Variants in STRAP observed in about 807,000 individuals in gnomAD.
The protein encoded by STRAP is serine-threonine kinase receptor-associated protein.
In STRAP, 16 loss-of-function variants were observed where a neutral mutation model predicts 47.0. The observed-to-expected ratio is 0.34, with a 90% confidence interval of 0.23 to 0.52. The LOEUF (loss-of-function observed/expected upper bound fraction) is 0.52, where lower values mean the gene tolerates loss of function less well. Among genes scored for constraint, STRAP ranks in the 20% least tolerant of loss-of-function variants. STRAP has a pLI of 0.96. For missense variants in STRAP, 293 were observed against 420.0 expected, an observed-to-expected ratio of 0.70 and a Z score of 2.64; for synonymous variants, 130 against 142.7, an observed-to-expected ratio of 0.91 and a Z score of 0.63.
At chr12:15,897,699 A>G (rs1794296791) in intron 6 of STRAP, among the ~76,000 whole-genome samples, 183 bp from the exon 7 acceptor site, 1 of 150,374 alleles carries the variant, frequency 6.7e-6, no homozygotes, top group Non-Finnish European at 1.5e-5. Context: ...CCACTTGGGC[A>G]TAGTATCCAT....
chr12:15,898,022 A>C lies in STRAP; in HGVS notation c.775+4A>C. ...TATAATAGTGGAGAAGAATTAGGTG[A>C]GTTGTCCCCTTACAGTGATGTGGTT... is the stretch of plus-strand genomic sequence containing the variant. On this transcript the variant is annotated splice_donor_region_variant and intron_variant, in intron 7 of 9. Transcript: ENST00000419869. The C allele has an allele frequency of 6.3e-7, 1 of 1,598,782 alleles. No individual in the cohort carries two copies. The highest frequency in any genetic ancestry group is 8.5e-7 in the Non-Finnish European group (1 of 1,174,148).
chr12:15,887,256 G>A lies in STRAP; in HGVS notation c.249-2672G>A, dbSNP rs945100848. Among the ~76,000 whole-genome samples the A allele has an allele frequency of 6.6e-6, 1 of 152,140 alleles. No homozygotes were observed. Among genetic ancestry groups the A allele is most frequent in the Non-Finnish European group, 1.5e-5 (1 of 68,020 alleles). The stretch of plus-strand genomic sequence containing the variant: ...AGCAGCTCCTATTATGAGACTTACG[G>A]TAAGTTCATTCTGAGGATATGGAAA... On this transcript the variant is annotated intron_variant, in intron 2 of 9. Coordinates refer to ENST00000419869, the MANE Select transcript of STRAP (RefSeq NM_007178.4). The surrounding 1 kb of genome is among the most constrained non-coding windows in gnomAD (Gnocchi z 5.5).
intron 1 of STRAP, 48 bp from the exon 2 acceptor site, chr12:15,883,493 T>C (rs577959336): frequency 4.5e-6 from 7 of 1,563,266 alleles, no homozygotes; most frequent in African/African-American, 4.1e-5. Context: ...TCTTAGACTT[T>C]AAGTAATCTG....
chr12:15,899,943 G>A lies in STRAP; in HGVS notation c.815G>A (p.Arg272Lys). Residue 272 changes from arginine (R) to lysine (K), a missense_variant, in exon 8 of 10, where the codon AGA becomes AAA. Arg to Lys is a conservative substitution (Grantham distance 26). Coordinates refer to ENST00000419869, the MANE Select transcript of STRAP (RefSeq NM_007178.4). ...CACTTTGGTCCTATTCACTGTGTGA[G>A]ATTTAGTCCTGATGGAGAACTCTAT... is the stretch of plus-strand genomic sequence containing the variant. ...KGHFGPIHCVRFSPDGELYAS... is the reference protein window; with the variant it reads ...KGHFGPIHCVKFSPDGELYAS... The A allele has an allele frequency of 6.2e-7, 1 of 1,613,542 alleles. No individual in the cohort carries two copies. The highest frequency in any genetic ancestry group is 8.5e-7 in the Non-Finnish European group (1 of 1,179,804).
At position 15,890,349 on chromosome 12, in the gene STRAP, CA is replaced by C. The variant is rs1434422204; in HGVS notation, c.331-247del. 6.6e-6 allele frequency among the ~76,000 whole-genome samples: 1 copy of C among 152,078 alleles called. No individual in the cohort carries two copies. Among genetic ancestry groups the C allele is most frequent in the Non-Finnish European group, 1.5e-5 (1 of 68,010 alleles). On this transcript the variant is annotated intron_variant, in intron 3 of 9. Coordinates refer to ENST00000419869, the MANE Select transcript of STRAP (RefSeq NM_007178.4). This position sits in a 1 kb window ranked among gnomAD's most constrained non-coding sequence, Gnocchi z 4.5. ...CTCTCACAAGGGAGAGGAGTAGGAT[CA>C]GGGGAGAATGGGAGAGTTCATGTAT...
At position 15,894,004 on chromosome 12, in the gene STRAP, A is replaced by C. The variant is rs1351436687; in HGVS notation, c.404-43A>C. The C allele has an allele frequency of 7.1e-7, 1 of 1,416,378 alleles. No homozygotes were observed. Among genetic ancestry groups the C allele is most frequent in the Non-Finnish European group, 9.9e-7 (1 of 1,013,366 alleles). 87.7% of individuals were successfully genotyped at this position (1,416,378 alleles called of 1,614,324 possible). A position where few individuals can be genotyped will look rare whatever the true frequency, so the allele number is the denominator to read the frequency against. On this transcript the variant is annotated intron_variant, in intron 4 of 9. Coordinates refer to ENST00000419869, the MANE Select transcript of STRAP (RefSeq NM_007178.4). The surrounding 1 kb of genome is among the most constrained non-coding windows in gnomAD (Gnocchi z 4.9). ...TGTTCCGATATTGTTCAGTTTAAAA[A>C]ATCATATATTAACAAATGTACTTTA...
At chr12:15,900,505 A>G (rs1948094416) in intron 8 of STRAP, among the ~76,000 whole-genome samples, 1 of 151,802 alleles carries the variant, frequency 6.6e-6, no homozygotes, top group African/African-American at 2.4e-5. Flanking sequence ...AGCCTGGGCA[A>G]GAGTGACTCA....
At chr12:15,898,972 A>G (rs1181596187) in intron 7 of STRAP, among the ~76,000 whole-genome samples, 1 of 152,214 alleles carries the variant, frequency 6.6e-6, no homozygotes, top group East Asian at 1.9e-4. Flanking sequence ...CTTATGGTTC[A>G]GTTTTTATTA....
Position 15,882,556 on chromosome 12 carries a change from G to A in STRAP, c.-152G>A. The A allele has an allele frequency of 1.9e-6, 1 of 528,896 alleles. No homozygotes were observed. The highest frequency in any genetic ancestry group is 1.9e-5 in the African/African-American group (1 of 51,412). 32.8% of individuals were successfully genotyped at this position (528,896 alleles called of 1,614,324 possible). A position where few individuals can be genotyped will look rare whatever the true frequency, so the allele number is the denominator to read the frequency against. ...CCCTCCCTCACCCCTCCCTAACCTC[G>A]GTGCCACCGGATTGCCCTTCTTTTC... On this transcript the variant is annotated 5_prime_UTR_variant, in exon 1 of 10. Coordinates refer to ENST00000419869, the MANE Select transcript of STRAP (RefSeq NM_007178.4).
At chr12:15,885,440 T>G (rs1356168330) in intron 2 of STRAP, among the ~76,000 whole-genome samples, 1 of 150,994 alleles carries the variant, frequency 6.6e-6, no homozygotes, top group Admixed American at 6.6e-5. Context: ...CTGCCCGCCT[T>G]GGCCTCCCAA....
In STRAP at chr12:15,903,282, A is replaced by T; in HGVS notation, c.*304A>T. ...ACAATTAGGGTTCTTGTAGCTGTTTATGTTAATATGGAGAAGAAAACTATA... is the reference window on the plus strand; with the variant it reads ...ACAATTAGGGTTCTTGTAGCTGTTTTTGTTAATATGGAGAAGAAAACTATA... On this transcript the variant is annotated 3_prime_UTR_variant, in exon 10 of 10. Transcript: ENST00000419869. 4.5e-6 allele frequency: 1 copy of T among 221,774 alleles called. No individual in the cohort carries two copies. Among genetic ancestry groups the T allele is most frequent in the Non-Finnish European group, 8.7e-6 (1 of 114,702 alleles). The allele number at this position is 221,774 out of a possible 1,614,324, so 13.7% of individuals were successfully genotyped here.
intron 7 of STRAP, 147 bp from the exon 8 acceptor site, chr12:15,899,757 G>T: frequency 1.4e-6 from 1 of 715,322 alleles, no homozygotes; most frequent in Non-Finnish European, 2.3e-6. Flanking sequence ...TACCACTTTT[G>T]TGATGAGAAA....
In STRAP at chr12:15,883,502, T is replaced by C. The variant is rs1220526072; in HGVS notation, c.113-39T>C. The C allele has an allele frequency of 2.5e-6, 4 of 1,584,556 alleles. No homozygotes were observed. In the African/African-American group the frequency reaches 4.1e-5, roughly 16 times the overall value. ...TTTGAATCTTAGACTTTAAGTAATCTGAACTTATAAATTACATGTTTTAAA... is the reference window on the plus strand; with the variant it reads ...TTTGAATCTTAGACTTTAAGTAATCCGAACTTATAAATTACATGTTTTAAA... On this transcript the variant is annotated intron_variant, in intron 1 of 9. Coordinates refer to ENST00000419869, the MANE Select transcript of STRAP (RefSeq NM_007178.4).
intron 9 of STRAP, among the ~76,000 whole-genome samples, chr12:15,902,319 T>C (rs564286459): frequency 6.6e-6 from 1 of 152,086 alleles, no homozygotes; most frequent in African/African-American, 2.4e-5. Flanking sequence ...CAGAAAAAGG[T>C]AGATGGAGTT....
rs1212652150 is a variant in STRAP at position 15,887,262 on chromosome 12, T to A, written c.249-2666T>A. On this transcript the variant is annotated intron_variant, in intron 2 of 9. Transcript: ENST00000419869. The surrounding 1 kb of genome is among the most constrained non-coding windows in gnomAD (Gnocchi z 5.5). ...TCCTATTATGAGACTTACGGTAAGTTCATTCTGAGGATATGGAAAGTATCA... is the reference window on the plus strand; with the variant it reads ...TCCTATTATGAGACTTACGGTAAGTACATTCTGAGGATATGGAAAGTATCA... 6.6e-6 allele frequency among the ~76,000 whole-genome samples: 1 copy of A among 152,166 alleles called. No individual in the cohort carries two copies. The highest frequency in any genetic ancestry group is 1.5e-5 in the Non-Finnish European group (1 of 68,024).
At position 15,887,759 on chromosome 12, in the gene STRAP, G is replaced by A. The variant is rs1317914962; in HGVS notation, c.249-2169G>A. Among the ~76,000 whole-genome samples the A allele has an allele frequency of 6.6e-6, 1 of 152,138 alleles. No homozygotes were observed. Among genetic ancestry groups the A allele is most frequent in the Admixed American group, 6.6e-5 (1 of 15,260 alleles). ...TTGGCGTTAGCCTGTAGCTACTTAG[G>A]AGGCTGAGGTGGAAGGATCTTGAGG... On this transcript the variant is annotated intron_variant, in intron 2 of 9. Coordinates refer to ENST00000419869, the MANE Select transcript of STRAP (RefSeq NM_007178.4). The surrounding 1 kb of genome is among the most constrained non-coding windows in gnomAD (Gnocchi z 5.5).
chr12:15,896,249 C>CA lies in STRAP; in HGVS notation c.638+760dup, dbSNP rs922439074. Among the ~76,000 whole-genome samples, 4 of 151,718 alleles carry CA rather than the reference C, an allele frequency of 2.6e-5. No homozygotes were observed. The highest frequency in any genetic ancestry group is 4.4e-5 in the Non-Finnish European group (3 of 67,882). On this transcript the variant is annotated intron_variant, in intron 6 of 9. Coordinates refer to ENST00000419869, the MANE Select transcript of STRAP (RefSeq NM_007178.4). The surrounding 1 kb of genome is among the most constrained non-coding windows in gnomAD (Gnocchi z 4.1). ...ACTCTGTCTCAAAAAAAACAAAAAA[C>CA]AAAAAAACAGTGTGATCTTGATTCT...
rs367620027 is a variant in STRAP at position 15,897,713 on chromosome 12, AT to A, written c.639-150del. Among the ~76,000 whole-genome samples the A allele has an allele frequency of 8.5e-3, 1,006 of 118,672 alleles. 6 individuals are homozygous for A. Among genetic ancestry groups the A allele is most frequent in the African/African-American group, 0.021 (676 of 32,906 alleles). 77.9% of individuals were successfully genotyped at this position (118,672 alleles called of 152,430 possible). ...TCCACTTGGGCATAGTATCCATTTG[AT>A]TTTTTTTTTTTTTTTTTTGCTAACA... On this transcript the variant is annotated intron_variant, in intron 6 of 9. Coordinates refer to ENST00000419869, the MANE Select transcript of STRAP (RefSeq NM_007178.4).
intron 4 of STRAP, among the ~76,000 whole-genome samples, chr12:15,892,415 T>G (rs1411110931): frequency 6.6e-6 from 1 of 152,142 alleles, no homozygotes; most frequent in Non-Finnish European, 1.5e-5. Flanking sequence ...TTTAATAATT[T>G]CCCTCACCAT....
Sources: gnomAD v4.1 joint callset for allele counts (sites outside exome capture counted in the v4.1 genomes callset) on GRCh38, gnomAD v4.1.1 for gene constraint, Gnocchi (gnomAD v3.1) non-coding constraint, MANE v1.5 for transcripts, NCBI Gene and HGNC (gene_info 2026-07-23, HGNC 2026-07-21) for gene names.